The following LDLRAD4 variants were observed in gnomAD, a reference collection of about 807,000 sequenced individuals.
LDLRAD4 encodes the protein low density lipoprotein receptor class A domain containing 4, also known as low-density lipoprotein receptor class A domain-containing protein 4.
A neutral mutation model predicts 17.0 loss-of-function variants in LDLRAD4; 5 were observed. The ratio of observed to expected loss-of-function variants is 0.29; its 90% CI spans 0.15 to 0.62. The LOEUF is 0.62. LDLRAD4 is among the 20% of genes least tolerant of loss of function. The probability of loss-of-function intolerance (pLI) is 0.84; values close to 1 mark genes in which losing one functional copy is unlikely to be tolerated. For synonymous variants in LDLRAD4, 168 were observed against 171.8 expected (o/e 0.98, Z 0.17); for missense variants, 340 against 424.7 (o/e 0.80, Z 1.75).
intron 2 of LDLRAD4, among the ~76,000 whole-genome samples, 175 bp from the exon 4 acceptor site, chr18:13,438,069 A>G (rs575666793): frequency 6.6e-6 from 1 of 152,314 alleles, no homozygotes; most frequent in Non-Finnish European, 1.5e-5. Context: ...TCAGACGAGG[A>G]AGGTCCTTAC....
chr18:13,573,515 C>A (rs1027033590), intron 3 of LDLRAD4, among the ~76,000 whole-genome samples: 1 of 152,246 alleles, frequency 6.6e-6, no homozygotes, highest in African/African-American at 2.4e-5. Context: ...GCTGGGATTA[C>A]AGGTGTGAGC....
intron 1 of LDLRAD4, among the ~76,000 whole-genome samples, chr18:13,353,016 T>TTA (rs2083133281): frequency 6.6e-6 from 1 of 152,240 alleles, no homozygotes; most frequent in Admixed American, 6.5e-5. Context: ...CTGATTTTCT[T>TTA]TAGTACTTAG....
At chr18:13,411,169 C>T (rs1433521125) in intron 2 of LDLRAD4, among the ~76,000 whole-genome samples, 3 of 151,572 alleles carry the variant, frequency 2.0e-5, no homozygotes, top group Admixed American at 2.0e-4. Context: ...GGAGGATCAC[C>T]TGAGTCTGGG....
In LDLRAD4 at chr18:13,387,597, CCA is replaced by C; in HGVS notation, c.-125_-124del. 1 of 884,840 alleles carries C rather than the reference CCA, an allele frequency of 1.1e-6. No homozygotes were observed. The highest frequency in any genetic ancestry group is 1.8e-6 in the Non-Finnish European group (1 of 545,352). 54.8% of individuals were successfully genotyped at this position (884,840 alleles called of 1,614,324 possible). A position where few individuals can be genotyped will look rare whatever the true frequency, so the allele number is the denominator to read the frequency against. On this transcript the variant is annotated 5_prime_UTR_variant, in exon 2 of 6. An upstream open reading frame in the 5' UTR loses its in-frame stop. Coordinates refer to ENST00000359446, the Ensembl canonical transcript of LDLRAD4. ...CCGGGCAGGTGGGCCGCGGATGCTC[CCA>C]GAGGCCGGCCCAGCAGAGCGATGGA... is the stretch of plus-strand genomic sequence containing the variant.
chr18:13,429,634 G>A (rs1485466796), intron 2 of LDLRAD4, among the ~76,000 whole-genome samples: 4 of 152,192 alleles, frequency 2.6e-5, no homozygotes, highest in South Asian at 4.1e-4. Flanking sequence ...CATAAGAATC[G>A]AAGGACTTTT....
At chr18:13,649,279 T>TTATG (rs2043142166) in exon 6 of LDLRAD4, 1 of 152,240 alleles carries the variant, frequency 6.6e-6, no homozygotes, top group South Asian at 2.1e-4. Context: ...TTATTTCATC[T>TTATG]TCATAAGAAT....
At chr18:13,484,589 G>A (rs1459155916) in intron 3 of LDLRAD4, among the ~76,000 whole-genome samples, 2 of 152,170 alleles carry the variant, frequency 1.3e-5, no homozygotes, top group African/African-American at 4.8e-5. Context: ...TCACACCACT[G>A]CACTCCAGCC....
rs972100147 is a variant in LDLRAD4, at chr18:13,620,967, G to C, written c.182-150G>C. 4.5e-6 allele frequency: 5 copies of C among 1,111,130 alleles called. No individual in the cohort carries two copies. The African/African-American group carries it at 7.7e-5, about 17-fold the overall frequency. 68.8% of individuals were successfully genotyped at this position (1,111,130 alleles called of 1,614,324 possible). On this transcript the variant is annotated intron_variant, in intron 3 of 5. Transcript: ENST00000359446. The stretch of plus-strand genomic sequence containing the variant: ...CCGTGGTGTCTCCTTCCCTAAAGTG[G>C]GACAGTCGTTTCTGTGTCCTGCTGG...
At chr18:13,508,240 C>G (rs904935338) in intron 3 of LDLRAD4, among the ~76,000 whole-genome samples, 1 of 152,182 alleles carries the variant, frequency 6.6e-6, no homozygotes, top group Non-Finnish European at 1.5e-5. Flanking sequence ...GAGGTAGGTT[C>G]ATGAGGTTCA....
intron 1 of LDLRAD4, among the ~76,000 whole-genome samples, chr18:13,244,644 G>A (rs573752396): frequency 4.9e-4 from 74 of 152,000 alleles, no homozygotes; most frequent in Non-Finnish European, 2.6e-4. Flanking sequence ...AGTCATTTAC[G>A]TTTACACCTG....
At chr18:13,452,927 G>C (rs2091920678) in intron 3 of LDLRAD4, among the ~76,000 whole-genome samples, 1 of 152,140 alleles carries the variant, frequency 6.6e-6, no homozygotes. Flanking sequence ...AACGTCCTGG[G>C]GCAAGTGAGG....
At chr18:13,449,338 G>A (rs2091639959) in intron 3 of LDLRAD4, among the ~76,000 whole-genome samples, 1 of 152,244 alleles carries the variant, frequency 6.6e-6, no homozygotes, top group Admixed American at 6.5e-5. Flanking sequence ...TCCCTGGGAT[G>A]GCCTGTAGGG....
chr18:13,374,959 C>T (rs1035135748), intron 1 of LDLRAD4, among the ~76,000 whole-genome samples: 2 of 152,192 alleles, frequency 1.3e-5, no homozygotes, highest in East Asian at 1.9e-4. Context: ...CGTCTAGCCA[C>T]CCAGCCTCCA....
At chr18:13,403,763 A>G (rs2087448143) in intron 2 of LDLRAD4, among the ~76,000 whole-genome samples, 1 of 152,216 alleles carries the variant, frequency 6.6e-6, no homozygotes, top group Non-Finnish European at 1.5e-5. Flanking sequence ...GTGTAAATGA[A>G]CAGAATTCAG....
At chr18:13,538,894 AGTT>A (rs996344957) in intron 3 of LDLRAD4, among the ~76,000 whole-genome samples, 2 of 152,048 alleles carry the variant, frequency 1.3e-5, no homozygotes, top group Non-Finnish European at 2.9e-5. Flanking sequence ...ATGGCTCTAG[AGTT>A]TATCTGCTTA....
At chr18:13,650,428 T>C (rs1351574949) in exon 6 of LDLRAD4, 3 of 398,468 alleles carry the variant, frequency 7.5e-6, no homozygotes, top group Admixed American at 4.4e-5. Flanking sequence ...ATATATACAC[T>C]ATCCGTGCAC....
upstream of LDLRAD4, among the ~76,000 whole-genome samples, chr18:13,277,588 C>G (rs959464810): frequency 1.3e-5 from 2 of 152,246 alleles, no homozygotes; most frequent in Non-Finnish European, 2.9e-5. Flanking sequence ...ACCATCCCAG[C>G]AGTGTCACTG....
chr18:13,296,214 C>T (rs931518047), intron 1 of LDLRAD4, among the ~76,000 whole-genome samples: 4 of 152,256 alleles, frequency 2.6e-5, no homozygotes, highest in Non-Finnish European at 5.9e-5. Flanking sequence ...TCGCAAGAGG[C>T]GACCGCCAAA....
intron 3 of LDLRAD4, among the ~76,000 whole-genome samples, chr18:13,574,957 A>AT (rs1471965022): frequency 6.6e-6 from 1 of 152,242 alleles, no homozygotes; most frequent in Non-Finnish European, 1.5e-5. Context: ...GGAGGACAGG[A>AT]TATGTCATCT....
Sources: allele counts gnomAD v4.1 joint callset (sites outside exome capture counted in the v4.1 genomes callset), GRCh38; gene constraint gnomAD v4.1.1; transcripts MANE v1.5; gene names NCBI Gene and HGNC (gene_info 2026-07-23, HGNC 2026-07-21).